TANGO2: variants seen among roughly 807,000 people sequenced by gnomAD.
TANGO2 encodes the protein transport and golgi organization 2 homolog.
TANGO2 carries 26 observed loss-of-function variants against 39.1 expected under a neutral mutation model. The observed-to-expected ratio is 0.67, with a 90% confidence interval of 0.49 to 0.92. The LOEUF (loss-of-function observed/expected upper bound fraction) is 0.92. Ranked by LOEUF, TANGO2 falls within the 40% of genes least tolerant of loss-of-function variation. The pLI is 0.00. For synonymous variants in TANGO2, 131 were observed against 144.5 expected (o/e 0.91, Z 0.67); for missense variants, 326 against 360.1 (o/e 0.91, Z 0.77).
chr22:20,039,300 A>C (rs567660254), intron 2 of TANGO2, among the ~76,000 whole-genome samples: 22 of 151,830 alleles, frequency 1.4e-4, no homozygotes, highest in Non-Finnish European at 2.2e-4. Flanking sequence ...AAGATAACAC[A>C]ATCACTTCAT....
chr22:20,046,137 G>A (rs552284484), intron 3 of TANGO2, among the ~76,000 whole-genome samples: 1 of 151,986 alleles, frequency 6.6e-6, no homozygotes, highest in South Asian at 2.1e-4. Context: ...AAAAAGCTGA[G>A]TCTGGGTAAT....
At chr22:20,027,830 G>A (rs912275656) in intron 1 of TANGO2, among the ~76,000 whole-genome samples, 6 of 151,694 alleles carry the variant, frequency 4.0e-5, no homozygotes, top group Non-Finnish European at 5.9e-5. Flanking sequence ...ACGGAGTCTC[G>A]CGCTGTCACC....
rs200982438 is a variant in TANGO2, at chr22:20,050,842, GTT to G, written c.146-1608_146-1607del. Among the ~76,000 whole-genome samples the G allele has an allele frequency of 3.1e-4, 39 of 127,330 alleles. No homozygotes were observed. In the East Asian group the frequency reaches 3.8e-3, roughly 13 times the overall value. 83.5% of individuals were successfully genotyped at this position (127,330 alleles called of 152,430 possible). A position where few individuals can be genotyped will look rare whatever the true frequency, so the allele number is the denominator to read the frequency against. ...CTGGTTGCAAATACAGTTTTGTTGGGTTTTTTTTTTTTTTTTGAGACAGAGTT... is the reference window on the plus strand; with the variant it reads ...CTGGTTGCAAATACAGTTTTGTTGGGTTTTTTTTTTTTTTGAGACAGAGTT... On this transcript the variant is annotated intron_variant, in intron 3 of 8. Coordinates refer to ENST00000327374, the MANE Select transcript of TANGO2 (RefSeq NM_152906.7).
chr22:20,052,055 G>C (rs2046425794), intron 3 of TANGO2, among the ~76,000 whole-genome samples: 1 of 152,190 alleles, frequency 6.6e-6, no homozygotes, highest in Non-Finnish European at 1.5e-5. Flanking sequence ...TGGGCTCCTA[G>C]TGAAGGGCCT....
intron 1 of TANGO2, among the ~76,000 whole-genome samples, chr22:20,024,352 C>T (rs2040319099): frequency 6.6e-6 from 1 of 152,204 alleles, no homozygotes. Context: ...GGACTTTCTT[C>T]GCCCAGGCCC....
At chr22:20,017,673 C>T (rs935365675), upstream of TANGO2, among the ~76,000 whole-genome samples, 3 of 152,216 alleles carry the variant, frequency 2.0e-5, no homozygotes, top group African/African-American at 7.2e-5. Context: ...TTCACCCTAC[C>T]TGGAGTCAGG....
intron 1 of TANGO2, among the ~76,000 whole-genome samples, chr22:20,030,756 C>T (rs2041699110): frequency 6.6e-6 from 1 of 152,154 alleles, no homozygotes; most frequent in African/African-American, 2.4e-5. Flanking sequence ...TGAGCCACCT[C>T]GCCCAACCAG....
At chr22:20,049,767 G>T (rs1266499088) in intron 3 of TANGO2, among the ~76,000 whole-genome samples, 2 of 152,004 alleles carry the variant, frequency 1.3e-5, no homozygotes, top group Non-Finnish European at 1.5e-5. Context: ...AGATATTTCA[G>T]CCAGTCTGTT....
chr22:20,053,256 C>A, intron 4 of TANGO2, 181 bp from the exon 5 acceptor site: 1 of 572,872 alleles, frequency 1.7e-6, no homozygotes. Flanking sequence ...TTTTCAGTGC[C>A]GACCTGAGTG....
intron 1 of TANGO2, among the ~76,000 whole-genome samples, chr22:20,021,715 G>C (rs758699743): frequency 5.9e-5 from 9 of 152,208 alleles, no homozygotes. Flanking sequence ...AGAGGTAGGG[G>C]CTGGCAGGGC....
At chr22:20,051,579 C>T (rs192572689) in intron 3 of TANGO2, among the ~76,000 whole-genome samples, 3 of 152,218 alleles carry the variant, frequency 2.0e-5, no homozygotes, top group Non-Finnish European at 2.9e-5. Context: ...CTAGCCAGTG[C>T]AGTGGCTCAC....
At chr22:20,060,808 T>C (rs2048253396) in intron 6 of TANGO2, among the ~76,000 whole-genome samples, 1 of 152,080 alleles carries the variant, frequency 6.6e-6, no homozygotes, top group Non-Finnish European at 1.5e-5. Context: ...GGTGCATCAT[T>C]TGGGGTGCTT....
chr22:20,056,075 T>C, intron 6 of TANGO2, 62 bp downstream of exon 6: 1 of 1,363,520 alleles, frequency 7.3e-7, no homozygotes, highest in Non-Finnish European at 1.1e-6. Flanking sequence ...GTCACCCTTG[T>C]GCTTTTTAGA....
chr22:20,041,307 G>A (rs775071175), intron 2 of TANGO2, among the ~76,000 whole-genome samples: 59 of 149,922 alleles, frequency 3.9e-4, no homozygotes, highest in Non-Finnish European at 5.8e-4. Flanking sequence ...CACCACACCC[G>A]GCTAATTTTT....
chr22:20,021,887 A>C (rs2039758987), intron 1 of TANGO2, among the ~76,000 whole-genome samples: 1 of 152,206 alleles, frequency 6.6e-6, no homozygotes, highest in Admixed American at 6.5e-5. Flanking sequence ...CTGGACCACA[A>C]GCTTTAGAGT....
intron 5 of TANGO2, chr22:20,054,039 G>A (rs1038692426): frequency 6.5e-6 from 2 of 306,876 alleles, no homozygotes; most frequent in African/African-American, 4.5e-5. Flanking sequence ...CTTGGCCAAT[G>A]CTGTTAGTCC....
chr22:20,066,093 C>T lies in TANGO2; in HGVS notation c.*1431C>T, dbSNP rs780607659. On this transcript the variant is annotated 3_prime_UTR_variant, in exon 9 of 9. Transcript: ENST00000327374. ...AGTCCATCTGTCCATGGGCAGGGGC[C>T]GCTGTGAGAGACCCCATGCGCGTGG... 5.3e-5 allele frequency: 8 copies of T among 152,260 alleles called. No individual in the cohort carries two copies. The highest frequency in any genetic ancestry group is 8.8e-5 in the Non-Finnish European group (6 of 68,114). The allele number at this position is 152,260 out of a possible 1,614,324, so 9.4% of individuals were successfully genotyped here. A position where few individuals can be genotyped will look rare whatever the true frequency, so the allele number is the denominator to read the frequency against.
chr22:20,044,589 T>C (rs544626280), intron 3 of TANGO2, among the ~76,000 whole-genome samples: 1 of 152,262 alleles, frequency 6.6e-6, no homozygotes, highest in African/African-American at 2.4e-5. Flanking sequence ...AGGACTCCTG[T>C]GTAGGCCTGT....
chr22:20,017,393 C>G (rs540736578), upstream of TANGO2, among the ~76,000 whole-genome samples: 3 of 152,176 alleles, frequency 2.0e-5, no homozygotes, highest in Non-Finnish European at 4.4e-5. Context: ...CTCTCATCCT[C>G]ACGCCCCTGG....
Sources: allele counts gnomAD v4.1 joint callset (sites outside exome capture counted in the v4.1 genomes callset), GRCh38; gene constraint gnomAD v4.1.1; transcripts MANE v1.5; gene names NCBI Gene and HGNC (gene_info 2026-07-23, HGNC 2026-07-21).